Variants in KCNN2 observed in about 807,000 individuals in gnomAD.
KCNN2 encodes potassium calcium-activated channel subfamily N member 2, also known as small conductance calcium-activated potassium channel protein 2.
In KCNN2, 24 loss-of-function variants were observed where a neutral mutation model predicts 55.5. The ratio of observed to expected loss-of-function variants is 0.43; its 90% CI spans 0.31 to 0.61. The LOEUF (loss-of-function observed/expected upper bound fraction) is 0.61, where lower values mean the gene tolerates loss of function less well. Ranked by LOEUF, KCNN2 falls within the 20% of genes least tolerant of loss-of-function variation. The pLI, the probability that KCNN2 is intolerant of heterozygous loss-of-function variation, is 0.08. For missense variants in KCNN2, 754 were observed against 853.6 expected (o/e 0.88, Z 1.45); for synonymous variants, 431 against 336.1 (o/e 1.28, Z -3.09).
At chr5:114,146,633 T>TAACTCC (rs762415021) in intron 1 of KCNN2, among the ~76,000 whole-genome samples, 2 of 152,146 alleles carry the variant, frequency 1.3e-5, no homozygotes, top group Non-Finnish European at 2.9e-5. Flanking sequence ...CAAAGAGCAT[T>TAACTCC]AGGAGAAGGC....
intron 2 of KCNN2, among the ~76,000 whole-genome samples, chr5:114,297,427 C>G (rs1336525172): frequency 6.6e-6 from 1 of 152,028 alleles, no homozygotes. Flanking sequence ...GAATATTGCT[C>G]TTTATTCAGA....
rs574153556 is a variant in KCNN2, at chr5:114,126,449, C to G, written c.-271+69949C>G. Among the ~76,000 whole-genome samples, 200 of 152,152 alleles carry G rather than the reference C, an allele frequency of 1.3e-3. 1 individual carries two copies. Among genetic ancestry groups the G allele is most frequent in the Middle Eastern group, 6.8e-3 (2 of 294 alleles). ...AATGAGTGCCCAGTATAGGGGGAAG[C>G]CCCTTATAAAATCATCAGATCTTGT... On this transcript the variant is annotated intron_variant, in intron 1 of 10. Coordinates refer to the KCNN2 transcript ENST00000512097.
intron 1 of KCNN2, among the ~76,000 whole-genome samples, chr5:114,118,480 C>T (rs773889693): frequency 6.9e-4 from 105 of 152,056 alleles, no homozygotes; most frequent in Non-Finnish European, 1.1e-3. Flanking sequence ...GGTGTAAATC[C>T]TAGCCCAAGG....
At chr5:114,450,440 C>A (rs1315056752) in intron 3 of KCNN2, among the ~76,000 whole-genome samples, 4 of 152,122 alleles carry the variant, frequency 2.6e-5, no homozygotes, top group Admixed American at 2.0e-4. Context: ...ATCCACTGGT[C>A]TGGAAGTTAG....
chr5:114,200,843 G>A (rs149130150), intron 1 of KCNN2, among the ~76,000 whole-genome samples: 3 of 152,228 alleles, frequency 2.0e-5, no homozygotes, highest in East Asian at 3.9e-4. Flanking sequence ...AGTTCAGGTT[G>A]TGGTGAAATT....
At chr5:114,254,001 G>A (rs1754932343) in intron 2 of KCNN2, among the ~76,000 whole-genome samples, 1 of 152,120 alleles carries the variant, frequency 6.6e-6, no homozygotes, top group African/African-American at 2.4e-5. Flanking sequence ...GATCATTAAA[G>A]GAGGGCTAAA....
At position 114,463,160 on chromosome 5, in the gene KCNN2, A is replaced by T. The variant is rs767656235; in HGVS notation, c.1749A>T (p.Gly583=). ...YGDMVPNTYC[G]KGVCLLTGIM... is the part of the protein sequence containing the mutation. ...ACATGGTACCTAACACATACTGTGG[A>T]AAAGGAGTCTGCTTACTTACTGGAA... Residue 583 remains glycine, a synonymous_variant, in exon 4 of 8, where the codon GGA becomes GGT. Coordinates refer to ENST00000673685, the MANE Select transcript of KCNN2 (RefSeq NM_021614.4). 13 of 1,612,096 alleles carry T rather than the reference A, an allele frequency of 8.1e-6. No homozygotes were observed. The highest frequency in any genetic ancestry group is 1.1e-5 in the Non-Finnish European group (13 of 1,179,044).
At chr5:114,056,052 A>G (rs903730395), upstream of KCNN2, 2 of 269,566 alleles carry the variant, frequency 7.4e-6, no homozygotes, top group African/African-American at 2.2e-5. Context: ...CAAGGACTCA[A>G]GAAGGAGGGA....
At chr5:114,095,834 C>T (rs1399747047) in intron 1 of KCNN2, among the ~76,000 whole-genome samples, 4 of 146,908 alleles carry the variant, frequency 2.7e-5, no homozygotes, top group Non-Finnish European at 4.5e-5. Flanking sequence ...AAATTGGACT[C>T]CATATATGCA....
chr5:114,444,856 T>G (rs1214630070), intron 3 of KCNN2, among the ~76,000 whole-genome samples: 2 of 152,158 alleles, frequency 1.3e-5, no homozygotes, highest in Non-Finnish European at 2.9e-5. Flanking sequence ...CCTGCTGCTC[T>G]TCCTAGAACC....
At chr5:114,302,779 G>A (rs1756193878) in intron 2 of KCNN2, among the ~76,000 whole-genome samples, 1 of 152,132 alleles carries the variant, frequency 6.6e-6, no homozygotes, top group South Asian at 2.1e-4. Context: ...TTTAGAACAA[G>A]GTTTCTCTGA....
At chr5:114,392,184 A>G (rs1228501295) in intron 2 of KCNN2, among the ~76,000 whole-genome samples, 2 of 152,306 alleles carry the variant, frequency 1.3e-5, no homozygotes, top group East Asian at 3.9e-4. Context: ...TGTTGCCTAC[A>G]ACATATGATA....
At position 114,093,828 on chromosome 5, in the gene KCNN2, G is replaced by A. The variant is rs948946387; in HGVS notation, c.-271+37328G>A. 1.2e-4 allele frequency among the ~76,000 whole-genome samples: 19 copies of A among 152,272 alleles called. No homozygotes were observed. In the South Asian group the frequency reaches 3.9e-3, roughly 32 times the overall value. On this transcript the variant is annotated intron_variant, in intron 1 of 10. Coordinates refer to the KCNN2 transcript ENST00000512097. ...CCTGGTCTCTCCCTTGACAAGTGGG[G>A]ATTATAGGGATTGTAATTCAAGATG...
intron 2 of KCNN2, among the ~76,000 whole-genome samples, chr5:114,284,243 A>G (rs186816019): frequency 6.6e-6 from 1 of 152,106 alleles, no homozygotes; most frequent in Non-Finnish European, 1.5e-5. Flanking sequence ...CTTTTAATCG[A>G]GTTTTTTAGT....
chr5:114,460,240 G>C (rs1209298173), intron 3 of KCNN2, among the ~76,000 whole-genome samples: 1 of 151,978 alleles, frequency 6.6e-6, no homozygotes, highest in African/African-American at 2.4e-5. Context: ...TTTTTTGTTT[G>C]TTTGTTTGTT....
chr5:114,282,575 C>T (rs1755645281), intron 2 of KCNN2, among the ~76,000 whole-genome samples: 1 of 152,054 alleles, frequency 6.6e-6, no homozygotes, highest in African/African-American at 2.4e-5. Context: ...GCTGTTGCAT[C>T]AACTTCGTGA....
chr5:114,421,418 G>A (rs1256250739), intron 3 of KCNN2, among the ~76,000 whole-genome samples: 1 of 152,076 alleles, frequency 6.6e-6, no homozygotes, highest in Non-Finnish European at 1.5e-5. Context: ...AGCCTCCCGA[G>A]TAGCTGGGAT....
Position 114,156,381 on chromosome 5 carries a change from C to T in KCNN2, c.-270-65099C>T, listed in dbSNP as rs1752635929. ...ACTATATGGGCTCTTTTTTGGTTCC[C>T]TATGAATTTTAAAATAGTTTTTCCT... On this transcript the variant is annotated intron_variant, in intron 1 of 10. Transcript: ENST00000512097. 2.6e-5 allele frequency among the ~76,000 whole-genome samples: 4 copies of T among 151,898 alleles called. No homozygotes were observed. The South Asian group carries it at 8.3e-4, about 32-fold the overall frequency.
intron 2 of KCNN2, among the ~76,000 whole-genome samples, chr5:114,229,510 T>C (rs1186217899): frequency 6.6e-6 from 1 of 151,976 alleles, no homozygotes; most frequent in Non-Finnish European, 1.5e-5. Flanking sequence ...TTCTAAAAGT[T>C]TTTCCTTAAA....
Sources: gnomAD v4.1 joint callset for allele counts (sites outside exome capture counted in the v4.1 genomes callset) on GRCh38, gnomAD v4.1.1 for gene constraint, MANE v1.5 for transcripts, NCBI Gene and HGNC (gene_info 2026-07-23, HGNC 2026-07-21) for gene names.